The following TSPAN5 variants were observed in gnomAD, a reference collection of about 807,000 sequenced individuals.
TSPAN5 encodes the protein tetraspanin 5.
TSPAN5 carries 10 observed loss-of-function variants against 37.1 expected under a neutral mutation model. The ratio of observed to expected loss-of-function variants is 0.27; its 90% CI spans 0.17 to 0.46. The LOEUF (loss-of-function observed/expected upper bound fraction) is 0.46, where lower values mean the gene tolerates loss of function less well. TSPAN5 is among the 20% of genes least tolerant of loss of function. TSPAN5 has a pLI of 1.00. For missense variants in TSPAN5, 195 were observed against 326.6 expected, an observed-to-expected ratio of 0.60 and a Z score of 3.11; for synonymous variants, 110 against 118.9, an observed-to-expected ratio of 0.93 and a Z score of 0.48.
At chr4:98,509,677 G>C (rs1753563117) in intron 1 of TSPAN5, 1 of 152,144 alleles carries the variant, frequency 6.6e-6, no homozygotes, top group Non-Finnish European at 1.5e-5. Flanking sequence ...CTCAGCCCTG[G>C]TCAGAGAGCT....
intron 2 of TSPAN5, among the ~76,000 whole-genome samples, chr4:98,491,408 A>C (rs1051810914): frequency 6.6e-6 from 1 of 152,166 alleles, no homozygotes; most frequent in Non-Finnish European, 1.5e-5. Flanking sequence ...CATTCACTGA[A>C]GAGCAGCAGT....
chr4:98,588,969 T>G (rs1397877029), intron 1 of TSPAN5, among the ~76,000 whole-genome samples: 2 of 152,310 alleles, frequency 1.3e-5, no homozygotes, highest in South Asian at 4.1e-4. Context: ...AAGCTATGAT[T>G]ACTGCATTCT....
chr4:98,605,784 A>C lies in TSPAN5; in HGVS notation c.81+52362T>G, dbSNP rs1410783003. On this transcript the variant is annotated intron_variant, in intron 1 of 7. Transcript: ENST00000305798. ...TTTAAAATTCACCCATTTATAGTTAATGTGTTTTTGATACTATATCTTAGC... is the reference window on the plus strand; with the variant it reads ...TTTAAAATTCACCCATTTATAGTTACTGTGTTTTTGATACTATATCTTAGC... Among the ~76,000 whole-genome samples, 5 of 152,296 alleles carry C rather than the reference A, an allele frequency of 3.3e-5. No individual in the cohort carries two copies. In the South Asian group the frequency reaches 8.3e-4, roughly 25 times the overall value.
At chr4:98,542,893 A>G (rs998722912) in intron 1 of TSPAN5, among the ~76,000 whole-genome samples, 1 of 152,192 alleles carries the variant, frequency 6.6e-6, no homozygotes, top group Non-Finnish European at 1.5e-5. Flanking sequence ...AAAAAAATGT[A>G]AATGGAAGTT....
At chr4:98,484,451 G>A (rs780099253) in intron 3 of TSPAN5, 11 of 455,952 alleles carry the variant, frequency 2.4e-5, no homozygotes, top group Non-Finnish European at 4.8e-5. Flanking sequence ...CCTAAATGGA[G>A]AGAGGCCATT....
chr4:98,542,164 A>G (rs564316761), intron 1 of TSPAN5, among the ~76,000 whole-genome samples: 1 of 152,288 alleles, frequency 6.6e-6, no homozygotes, highest in South Asian at 2.1e-4. Flanking sequence ...GAGTCAATGT[A>G]TACAAAGAAC....
At chr4:98,477,003 G>A (rs1195419073) in intron 5 of TSPAN5, among the ~76,000 whole-genome samples, 3 of 152,152 alleles carry the variant, frequency 2.0e-5, no homozygotes, top group African/African-American at 7.2e-5. Context: ...CCACTTTTTC[G>A]GGTTGTTTAT....
At position 98,531,171 on chromosome 4, in the gene TSPAN5, T is replaced by C. The variant is rs530726505; in HGVS notation, c.82-23443A>G. ...ATGCCATGGTGGTTTGCTGCACCCA[T>C]CAACCTGTCACCTACATTAGGTATT... On this transcript the variant is annotated intron_variant, in intron 1 of 7. Transcript: ENST00000305798. Among the ~76,000 whole-genome samples the C allele has an allele frequency of 2.2e-4, 33 of 152,294 alleles. No individual in the cohort carries two copies. In the South Asian group the frequency reaches 6.6e-3, roughly 31 times the overall value.
At chr4:98,569,505 C>T (rs191374390) in intron 1 of TSPAN5, among the ~76,000 whole-genome samples, 6 of 152,248 alleles carry the variant, frequency 3.9e-5, no homozygotes, top group East Asian at 1.9e-4. Context: ...GATCTGGCTG[C>T]GGCAGAGTGC....
At chr4:98,476,154 T>C (rs748786948) in intron 7 of TSPAN5, 35 bp downstream of exon 7, 1 of 1,523,902 alleles carries the variant, frequency 6.6e-7, no homozygotes. Context: ...AGGGCATTAT[T>C]TCCCTGTGAT....
intron 1 of TSPAN5, among the ~76,000 whole-genome samples, chr4:98,579,489 G>C (rs1413508788): frequency 1.3e-5 from 2 of 151,948 alleles, no homozygotes; most frequent in African/African-American, 4.8e-5. Flanking sequence ...AAGAGAGAGA[G>C]AGCTGAGTAA....
At chr4:98,616,320 A>G (rs1756336100) in intron 1 of TSPAN5, among the ~76,000 whole-genome samples, 1 of 152,104 alleles carries the variant, frequency 6.6e-6, no homozygotes, top group Non-Finnish European at 1.5e-5. Flanking sequence ...GCCTCTGAGA[A>G]ACAGCCCATG....
intron 1 of TSPAN5, among the ~76,000 whole-genome samples, chr4:98,585,435 A>G (rs1017641817): frequency 3.9e-5 from 6 of 151,980 alleles, no homozygotes; most frequent in Admixed American, 3.9e-4. Flanking sequence ...TCAGCCTCCC[A>G]AGTAGCTAGG....
chr4:98,631,021 T>C (rs1756733908), intron 1 of TSPAN5, among the ~76,000 whole-genome samples: 1 of 152,206 alleles, frequency 6.6e-6, no homozygotes, highest in Non-Finnish European at 1.5e-5. Context: ...TACTGGAATA[T>C]TTCTGCTTGG....
intron 2 of TSPAN5, among the ~76,000 whole-genome samples, chr4:98,504,649 G>A (rs972168851): frequency 2.0e-5 from 3 of 152,150 alleles, no homozygotes; most frequent in African/African-American, 7.2e-5. Context: ...ACTGTGCTGA[G>A]GGAGGTCTCA....
chr4:98,480,782 C>T (rs532223154), intron 4 of TSPAN5, among the ~76,000 whole-genome samples: 12 of 152,178 alleles, frequency 7.9e-5, no homozygotes, highest in Non-Finnish European at 1.6e-4. Flanking sequence ...GAGCCTGCAC[C>T]CATTAGGACC....
At chr4:98,625,577 C>T (rs1756581552) in intron 1 of TSPAN5, among the ~76,000 whole-genome samples, 1 of 152,228 alleles carries the variant, frequency 6.6e-6, no homozygotes, top group African/African-American at 2.4e-5. Flanking sequence ...AAACCCCTTC[C>T]TTCCTGTGAA....
intron 2 of TSPAN5, among the ~76,000 whole-genome samples, chr4:98,494,751 A>C (rs1188527850): frequency 1.3e-5 from 2 of 152,130 alleles, no homozygotes; most frequent in African/African-American, 4.8e-5. Flanking sequence ...ACTGGAGAAG[A>C]AACTGTTTTG....
chr4:98,598,777 T>C (rs1755816823), intron 1 of TSPAN5, among the ~76,000 whole-genome samples: 1 of 152,172 alleles, frequency 6.6e-6, no homozygotes, highest in Admixed American at 6.5e-5. Context: ...CCCTCCTAAA[T>C]TTTTTATGTG....
Sources: gnomAD v4.1 joint callset for allele counts (sites outside exome capture counted in the v4.1 genomes callset) on GRCh38, gnomAD v4.1.1 for gene constraint, MANE v1.5 for transcripts, NCBI Gene and HGNC (gene_info 2026-07-23, HGNC 2026-07-21) for gene names.